Variants in MROH2B observed in about 807,000 individuals in gnomAD.
MROH2B encodes the protein maestro heat like repeat family member 2B.
In MROH2B, 177 loss-of-function variants were observed where a neutral mutation model predicts 208.6. The ratio of observed to expected loss-of-function variants is 0.85; its 90% CI spans 0.75 to 0.96. The LOEUF is 0.96. Among genes scored for constraint, MROH2B ranks in the 40% least tolerant of loss-of-function variants. The probability of loss-of-function intolerance (pLI) is 0.00; values close to 1 mark genes in which losing one functional copy is unlikely to be tolerated. For missense variants in MROH2B, 2,002 were observed against 1,878.7 expected (o/e 1.07, Z -1.21); for synonymous variants, 728 against 659.0 (o/e 1.10, Z -1.60).
intron 18 of MROH2B, among the ~76,000 whole-genome samples, chr5:41,044,689 A>G (rs1743062231): frequency 6.6e-6 from 1 of 152,228 alleles, no homozygotes; most frequent in Non-Finnish European, 1.5e-5. Flanking sequence ...AGTACTCTGC[A>G]CCAAATTAGA....
intron 24 of MROH2B, 44 bp from the exon 25 acceptor site, chr5:41,019,062 T>C: frequency 1.2e-6 from 2 of 1,611,266 alleles, no homozygotes; most frequent in Non-Finnish European, 1.7e-6. Context: ...ACAGTGACCA[T>C]CAGAACATAC....
At chr5:41,023,219 A>G (rs988033524) in intron 24 of MROH2B, among the ~76,000 whole-genome samples, 2 of 152,204 alleles carry the variant, frequency 1.3e-5, no homozygotes, top group African/African-American at 4.8e-5. Context: ...TGAGAGAAGA[A>G]GGCTTCAGAT....
chr5:41,021,998 T>C (rs932562975), intron 24 of MROH2B, among the ~76,000 whole-genome samples: 11 of 152,216 alleles, frequency 7.2e-5, no homozygotes, highest in African/African-American at 2.7e-4. Context: ...AGGACAATTT[T>C]TTAAAAAACA....
intron 24 of MROH2B, 120 bp from the exon 25 acceptor site, chr5:41,019,138 C>T: frequency 2.4e-6 from 3 of 1,252,874 alleles, no homozygotes; most frequent in South Asian, 1.4e-5. Flanking sequence ...CATTTTCTGA[C>T]ACGTTGGGAT....
chr5:41,043,723 C>A (rs1471406516), intron 18 of MROH2B, among the ~76,000 whole-genome samples: 1 of 152,122 alleles, frequency 6.6e-6, no homozygotes, highest in East Asian at 1.9e-4. Context: ...TGTTGCAGCT[C>A]CTTCAATCAA....
At position 41,018,921 on chromosome 5, in the gene MROH2B, T is replaced by A; in HGVS notation, c.2539A>T (p.Ser847Cys). The A allele has an allele frequency of 6.2e-7, 1 of 1,613,922 alleles. No homozygotes were observed. Among genetic ancestry groups the A allele is most frequent in the Non-Finnish European group, 8.5e-7 (1 of 1,179,884 alleles). Residue 847 changes from serine (S) to cysteine (C), a missense_variant, in exon 25 of 42, where the codon AGT becomes TGT. Physicochemically the swap from Ser to Cys is moderately radical, Grantham distance 112. Transcript: ENST00000399564. ...TTGTCCTTGTCTGTCTGGCCTTCAC[T>A]TTTCAGATTTTCCAGAGGTGGAAGG... ...LPLPPLENLK[S>C]EGQTDKDKEH...
At chr5:41,049,569 A>G (rs1039570148) in intron 13 of MROH2B, 133 bp from the exon 14 acceptor site, 1 of 1,056,056 alleles carries the variant, frequency 9.5e-7, no homozygotes, top group Non-Finnish European at 1.4e-6. Context: ...CCAAGTCAAG[A>G]TGAGATCATT....
intron 3 of MROH2B, 135 bp downstream of exon 3, chr5:41,066,973 G>T (rs577417863): frequency 6.1e-6 from 4 of 650,586 alleles, no homozygotes; most frequent in Non-Finnish European, 1.1e-5. Flanking sequence ...GCATTATAAC[G>T]ATATCCAAGT....
rs190838736 is a variant in MROH2B at position 41,058,247 on chromosome 5, G to A, written c.616-44C>T. 4.5e-4 allele frequency: 652 copies of A among 1,437,818 alleles called. 2 individuals are homozygous for A. In the African/African-American group the frequency reaches 8.5e-3, roughly 19 times the overall value. The allele number at this position is 1,437,818 out of a possible 1,614,324, so 89.1% of individuals were successfully genotyped here. ...AATACCGTTTCTGAAACTTCCTTAT[G>A]TTTTTCATAGGTTTTCAGAACACCA... is the stretch of plus-strand genomic sequence containing the variant. On this transcript the variant is annotated intron_variant, in intron 6 of 41. Transcript: ENST00000399564.
chr5:41,069,805 T>G, intron 1 of MROH2B, 53 bp from the exon 2 acceptor site: 1 of 1,320,074 alleles, frequency 7.6e-7, no homozygotes, highest in Non-Finnish European at 1.1e-6. Flanking sequence ...TGCCCTCCTG[T>G]TAATTATTTT....
chr5:41,045,743 A>G lies in MROH2B; in HGVS notation c.1836+3T>C. Reference sequence around the variant, plus strand: ...AAGGTTTCCCCTCAGCTGAAAAACCAACCTTCTCAGTGGAGTTATTGCTGT... The same window carrying G: ...AAGGTTTCCCCTCAGCTGAAAAACCGACCTTCTCAGTGGAGTTATTGCTGT... On this transcript the variant is annotated splice_donor_region_variant and intron_variant, in intron 18 of 41. Transcript: ENST00000399564. 1.2e-6 allele frequency: 2 copies of G among 1,612,784 alleles called. No homozygotes were observed. The highest frequency in any genetic ancestry group is 1.7e-6 in the Non-Finnish European group (2 of 1,178,998).
chr5:41,019,343 T>TGA (rs143190915), intron 24 of MROH2B, among the ~76,000 whole-genome samples: 3 of 144,088 alleles, frequency 2.1e-5, no homozygotes, highest in African/African-American at 7.3e-5. Flanking sequence ...TGTGTGTGTG[T>TGA]GAGAGAGAGT....
At chr5:41,047,927 T>C (rs560851688) in intron 16 of MROH2B, among the ~76,000 whole-genome samples, 163 bp from the exon 17 acceptor site, 1 of 152,310 alleles carries the variant, frequency 6.6e-6, no homozygotes, top group South Asian at 2.1e-4. Context: ...AACTTTAAAG[T>C]GCTAGGTAGA....
chr5:41,027,510 A>G lies in MROH2B; in HGVS notation c.2441+5232T>C, dbSNP rs1418813764. On this transcript the variant is annotated intron_variant, in intron 24 of 41. Coordinates refer to ENST00000399564, the MANE Select transcript of MROH2B (RefSeq NM_173489.5). ...TGAGATACCATCTCACACCAGTTAG[A>G]ATGGCAATCATTAAAAAGTCAGGAA... 4.6e-5 allele frequency among the ~76,000 whole-genome samples: 7 copies of G among 152,308 alleles called. No individual in the cohort carries two copies. The East Asian group carries it at 1.4e-3, about 29-fold the overall frequency.
At position 40,998,165 on chromosome 5, in the gene MROH2B, T is replaced by C; in HGVS notation, c.4652-7A>G. The stretch of plus-strand genomic sequence containing the variant: ...TGACGAAGTGCTTGGAGTCCTGAAA[T>C]GGCAAGAATAGCAAATAAGTGGAGG... On this transcript the variant is annotated splice_region_variant and splice_polypyrimidine_tract_variant and intron_variant, in intron 41 of 41. Transcript: ENST00000399564. 6.2e-7 allele frequency: 1 copy of C among 1,602,008 alleles called. No individual in the cohort carries two copies. The highest frequency in any genetic ancestry group is 8.5e-7 in the Non-Finnish European group (1 of 1,171,066).
In MROH2B at chr5:41,065,357, G is replaced by A. The variant is rs753798819; in HGVS notation, c.335C>T (p.Ala112Val). The change falls in exon 4 of 42, where the codon GCC (alanine) becomes GTC (valine). Residue 112 changes from alanine to valine, a missense_variant. By Grantham distance (64) the Ala-to-Val change is moderately conservative (BLOSUM62 0). Coordinates refer to ENST00000399564, the MANE Select transcript of MROH2B (RefSeq NM_173489.5). ...ATAGCTGGTTGCCAATTCAGCCAGG[G>A]CAAGCACAACGAATTCATCTGGTAG... The part of the protein sequence containing the change: ...LELPDEFVVL[A>V]LAELATSYVS... The A allele has an allele frequency of 3.1e-6, 5 of 1,612,906 alleles. No individual in the cohort carries two copies. The highest frequency in any genetic ancestry group is 1.3e-5 in the African/African-American group (1 of 74,984).
Position 41,009,300 on chromosome 5 carries a change from C to T in MROH2B, c.3400G>A (p.Ala1134Thr), listed in dbSNP as rs752551224. 29 of 1,613,674 alleles carry T rather than the reference C, an allele frequency of 1.8e-5. No homozygotes were observed. The highest frequency in any genetic ancestry group is 2.7e-5 in the African/African-American group (2 of 74,912). The change falls in exon 32 of 42, where the codon GCC (alanine) becomes ACC (threonine). Residue 1134 changes from alanine (A) to threonine (T), a missense_variant. Coordinates refer to ENST00000399564, the MANE Select transcript of MROH2B (RefSeq NM_173489.5). Reference protein sequence around the residue: ...KLETELEDDIARVEAISVACA... With the variant: ...KLETELEDDITRVEAISVACA... ...CTCACTGAAATTGCCTCAACCCTGG[C>T]GATGTCATCTTCTAACTCAGTCTCC... is the stretch of plus-strand genomic sequence containing the variant.
chr5:41,004,714 T>C (rs748484197), intron 36 of MROH2B, 60 bp downstream of exon 36: 2 of 1,574,254 alleles, frequency 1.3e-6, no homozygotes, highest in African/African-American at 1.4e-5. Context: ...GCGTGGGTTA[T>C]TAAATCATTA....
At chr5:41,035,826 C>CAA (rs57364372) in intron 21 of MROH2B, among the ~76,000 whole-genome samples, 9 of 151,338 alleles carry the variant, frequency 5.9e-5, no homozygotes, top group East Asian at 3.9e-4. Context: ...CAAAACAAAA[C>CAA]AAAAAAACAA....
Sources: gnomAD v4.1 joint callset for allele counts (sites outside exome capture counted in the v4.1 genomes callset) on GRCh38, gnomAD v4.1.1 for gene constraint, MANE v1.5 for transcripts, NCBI Gene and HGNC (gene_info 2026-07-23, HGNC 2026-07-21) for gene names.